COPB1: variants seen among roughly 807,000 people sequenced by gnomAD.
COPB1 encodes coatomer subunit beta.
Under a neutral mutation model 108.7 loss-of-function variants are expected in COPB1, and 21 were observed. The observed-to-expected ratio is 0.19, with a 90% CI of 0.14 to 0.28. The LOEUF (loss-of-function observed/expected upper bound fraction) is 0.28. Ranked by LOEUF, COPB1 falls within the 10% of genes least tolerant of loss-of-function variation. The pLI is 1.00. For missense variants in COPB1, 919 were observed against 1,141.3 expected (o/e 0.81, Z 2.81); for synonymous variants, 378 against 386.8 (o/e 0.98, Z 0.27).
At chr11:14,487,693 A>C (rs918273460) in intron 6 of COPB1, among the ~76,000 whole-genome samples, 3 of 140,910 alleles carry the variant, frequency 2.1e-5, no homozygotes, top group Non-Finnish European at 3.0e-5. Flanking sequence ...AAAAAACAAC[A>C]AAAAAAAAAC....
rs1850336728 is a variant in COPB1, at chr11:14,468,720, C to T, written c.2106G>A (p.Arg702=). The change falls in exon 16 of 22, where the codon AGG becomes AGA. Residue 702 remains arginine (R), a synonymous_variant. Transcript: ENST00000439561. ...ATGCTAGGGGATCTGCTGCCTCTTTCCTCTGTGTGTTACCCATTGCTGCCA... is the reference window on the plus strand; with the variant it reads ...ATGCTAGGGGATCTGCTGCCTCTTTTCTCTGTGTGTTACCCATTGCTGCCA... The part of the protein sequence containing the change: ...SLLAAMGNTQ[R]KEAADPLASK... 5.0e-6 allele frequency: 8 copies of T among 1,613,962 alleles called. No individual in the cohort carries two copies. The highest frequency in any genetic ancestry group is 1.1e-5 in the South Asian group (1 of 91,064).
intron 4 of COPB1, among the ~76,000 whole-genome samples, chr11:14,492,056 C>G (rs1850916503): frequency 6.6e-6 from 1 of 152,186 alleles, no homozygotes; most frequent in South Asian, 2.1e-4. Context: ...AAATTTACCT[C>G]TTGCCATATT....
intron 12 of COPB1, 132 bp from the exon 13 acceptor site, chr11:14,476,077 A>G (rs1850514285): frequency 2.9e-6 from 2 of 699,636 alleles, no homozygotes; most frequent in Admixed American, 3.1e-5. Flanking sequence ...CTCTGCTTTC[A>G]ATTTATTTCC....
In COPB1 at chr11:14,469,466, C is replaced by T. The variant is rs1006041516; in HGVS notation, c.1835G>A (p.Arg612Gln). The change falls in exon 15 of 22, where the codon CGA becomes CAA. Residue 612 changes from arginine (R) to glutamine (Q), a missense_variant. Arg to Gln is a conservative substitution (Grantham distance 43, BLOSUM62 1). Coordinates refer to ENST00000439561, the MANE Select transcript of COPB1 (RefSeq NM_001144061.2). ...KKPITDDDVD[R>Q]ISLCLKVLSE... ...CAAGACCTTGAGGCACAGGGAAATT[C>T]GATCCACATCATCATCAGTAATTGG... The T allele has an allele frequency of 3.1e-6, 5 of 1,614,142 alleles. No homozygotes were observed. Among genetic ancestry groups the T allele is most frequent in the Non-Finnish European group, 4.2e-6 (5 of 1,180,020 alleles).
At chr11:14,475,161 G>A (rs1327087343) in intron 13 of COPB1, among the ~76,000 whole-genome samples, 1 of 149,226 alleles carries the variant, frequency 6.7e-6, no homozygotes, top group East Asian at 1.9e-4. Context: ...TCAGAATATG[G>A]AAAGATACAA....
intron 13 of COPB1, among the ~76,000 whole-genome samples, chr11:14,475,385 T>A (rs1850500212): frequency 6.6e-6 from 1 of 152,146 alleles, no homozygotes; most frequent in South Asian, 2.1e-4. Context: ...AGGCAAAGAT[T>A]TCACCATCTT....
rs147025543 is a variant in COPB1, at chr11:14,487,067, A to G, written c.700-563T>C. On this transcript the variant is annotated intron_variant, in intron 6 of 21. Coordinates refer to ENST00000439561, the MANE Select transcript of COPB1 (RefSeq NM_001144061.2). ...CAGTTTTTCAAGCAAGAAAGATAAC[A>G]CATTTTTCCCAAGTACTACTACTTA... Among the ~76,000 whole-genome samples, 10 of 152,326 alleles carry G rather than the reference A, an allele frequency of 6.6e-5. No individual in the cohort carries two copies. In the South Asian group the frequency reaches 8.3e-4, roughly 13 times the overall value.
At position 14,498,886 on chromosome 11, in the gene COPB1, G is replaced by A. The variant is rs866039414; in HGVS notation, c.43C>T (p.Pro15Ser). The change falls in exon 2 of 22, where the codon CCA becomes TCA. Residue 15 changes from proline (P) to serine (S), a missense_variant. This residue lies in a region of COPB1 where 92 missense variants were observed against 108.4 expected (regional missense o/e 0.85). Coordinates refer to ENST00000439561, the MANE Select transcript of COPB1 (RefSeq NM_001144061.2). ...ENVCYTLINV[P>S]MDSEPPSEIS... ...TCAGATGGTGGTTCTGAATCCATTG[G>A]CACGTTAATTAACGTGTAGCATACG... 2 of 1,608,994 alleles carry A rather than the reference G, an allele frequency of 1.2e-6. No individual in the cohort carries two copies. The highest frequency in any genetic ancestry group is 1.3e-5 in the African/African-American group (1 of 74,530).
chr11:14,459,486 TACATACACAA>T (rs1287390589), intron 20 of COPB1, among the ~76,000 whole-genome samples: 3 of 152,186 alleles, frequency 2.0e-5, no homozygotes, highest in African/African-American at 7.2e-5. Flanking sequence ...GTTTTTTTCA[TACATACACAA>T]ACATAGCAAA....
chr11:14,460,364 T>G, intron 19 of COPB1, 67 bp from the exon 20 acceptor site: 1 of 965,094 alleles, frequency 1.0e-6, no homozygotes, highest in South Asian at 1.5e-5. Flanking sequence ...GAATCACCAG[T>G]ATGTCATATT....
rs139547283 is a variant in COPB1, at chr11:14,486,391, G to C, written c.813C>G (p.Leu271=). 1,505 of 1,614,136 alleles carry C rather than the reference G, an allele frequency of 9.3e-4. 2 individuals carry two copies. Among genetic ancestry groups the C allele is most frequent in the Middle Eastern group, 1.3e-3 (8 of 6,062 alleles). Residue 271 remains leucine (L), a synonymous_variant, in exon 7 of 22, where the codon CTC becomes CTG. Coordinates refer to ENST00000439561, the MANE Select transcript of COPB1 (RefSeq NM_001144061.2). ...CCTTGATTGCAGTTGGTGCACTAGA[G>C]AGTGTCACTAATGTCCCAGCAGCTT... ...KYEAAGTLVT[L]SSAPTAIKAA... is the part of the protein sequence containing the mutation.
At chr11:14,483,927 T>G (rs984961341) in intron 7 of COPB1, among the ~76,000 whole-genome samples, 4 of 152,162 alleles carry the variant, frequency 2.6e-5, no homozygotes. Flanking sequence ...ATGTACTGAT[T>G]ACACTAGAAG....
intron 14 of COPB1, among the ~76,000 whole-genome samples, chr11:14,473,246 TGA>T (rs1317381697): frequency 1.3e-5 from 2 of 152,194 alleles, no homozygotes; most frequent in African/African-American, 4.8e-5. Context: ...AGTGCTGGTG[TGA>T]GTCACCACGC....
Position 14,466,300 on chromosome 11 carries a change from A to G in COPB1, c.2272T>C (p.Leu758=). The G allele has an allele frequency of 6.2e-7, 1 of 1,613,432 alleles. No individual in the cohort carries two copies. The highest frequency in any genetic ancestry group is 8.5e-7 in the Non-Finnish European group (1 of 1,179,696). The stretch of plus-strand genomic sequence containing the variant: ...TCCTCACCTAGTGTAGCTAGTTCTA[A>G]TGTGCAATTCTGCAAAGTATCACTG... ...QTSDTLQNCT[L]ELATLGDLKL... is the part of the protein sequence containing the mutation. Residue 758 remains leucine, a synonymous_variant, in exon 17 of 22, where the codon TTA becomes CTA. Transcript: ENST00000439561.
chr11:14,486,034 G>GGAGGAA (rs1323958705), intron 7 of COPB1, among the ~76,000 whole-genome samples: 1 of 152,134 alleles, frequency 6.6e-6, no homozygotes, highest in Non-Finnish European at 1.5e-5. Context: ...AGGAGGAGGA[G>GGAGGAA]GAGGAAGAGG....
intron 7 of COPB1, among the ~76,000 whole-genome samples, chr11:14,485,355 T>C (rs1167811711): frequency 3.3e-5 from 5 of 152,020 alleles, no homozygotes; most frequent in East Asian, 3.9e-4. Flanking sequence ...TCTGTACAGA[T>C]AGAGTCTCTC....
intron 18 of COPB1, among the ~76,000 whole-genome samples, chr11:14,462,233 C>CTTTTTT (rs928263474): frequency 3.7e-5 from 5 of 134,170 alleles, no homozygotes; most frequent in Non-Finnish European, 6.5e-5. Context: ...CTTTTCTTTT[C>CTTTTTT]TTTTTTTTTT....
chr11:14,457,832 T>C lies in COPB1; in HGVS notation c.2854A>G (p.Ser952Gly), dbSNP rs1379872518. Residue 952 changes from serine (S) to glycine (G), a missense_variant, in exon 22 of 22, where the codon AGT becomes GGT. Ser to Gly is a moderately conservative substitution (Grantham distance 56, BLOSUM62 0). Coordinates refer to ENST00000439561, the MANE Select transcript of COPB1 (RefSeq NM_001144061.2). The part of the protein sequence containing the change: ...DKINLSQKKT[S>G]I ...GGACTTTTTGTTTATTTTTATATAC[T>C]AGTTTTCTTCTGTGACAAGTTGATT... The C allele has an allele frequency of 6.3e-6, 10 of 1,587,842 alleles. No individual in the cohort carries two copies. Among genetic ancestry groups the C allele is most frequent in the Middle Eastern group, 1.7e-4 (1 of 5,936 alleles).
chr11:14,479,728 A>G lies in COPB1; in HGVS notation c.1213-14T>C, dbSNP rs1198261121. 2 of 1,553,202 alleles carry G rather than the reference A, an allele frequency of 1.3e-6. No individual in the cohort carries two copies. The highest frequency in any genetic ancestry group is 2.2e-5 in the Admixed American group (1 of 45,588). On this transcript the variant is annotated splice_polypyrimidine_tract_variant and intron_variant, in intron 10 of 21. Transcript: ENST00000439561. ...AAATTCCATTAACTAAAAGAAAAAA[A>G]AAAAAAAGAAAATGGAACTAACAAT...
Sources: gnomAD v4.1 joint callset for allele counts (sites outside exome capture counted in the v4.1 genomes callset) on GRCh38, gnomAD v4.1.1 for gene constraint, gnomAD v4.1.1 regional missense constraint, MANE v1.5 for transcripts, NCBI Gene and HGNC (gene_info 2026-07-23, HGNC 2026-07-21) for gene names.